Variants in NUP107 observed in about 807,000 individuals in gnomAD.
NUP107 encodes nucleoporin 107.
Under a neutral mutation model 141.0 loss-of-function variants are expected in NUP107, and 101 were observed. The ratio of observed to expected loss-of-function variants is 0.72; its 90% confidence interval spans 0.61 to 0.84. The LOEUF (loss-of-function observed/expected upper bound fraction) is 0.84, where lower values mean the gene tolerates loss of function less well. Among genes scored for constraint, NUP107 ranks in the 40% least tolerant of loss-of-function variants. The pLI, the probability that NUP107 is intolerant of heterozygous loss-of-function variation, is 0.00. For missense variants in NUP107, 941 were observed against 1,102.7 expected (o/e 0.85, Z 2.08); for synonymous variants, 319 against 363.9 (o/e 0.88, Z 1.41).
intron 24 of NUP107, among the ~76,000 whole-genome samples, chr12:68,733,821 C>T (rs1877951295): frequency 6.6e-6 from 1 of 152,194 alleles, no homozygotes; most frequent in Non-Finnish European, 1.5e-5. Context: ...CCAAGATCAT[C>T]TCACATGGTA....
At chr12:68,706,017 G>T in intron 8 of NUP107, 1 of 859,636 alleles carries the variant, frequency 1.2e-6, no homozygotes, top group Non-Finnish European at 2.0e-6. Flanking sequence ...CCCTGCAGCG[G>T]CAGAAGACGG....
At position 68,711,236 on chromosome 12, in the gene NUP107, A is replaced by C. The variant is rs979938915; in HGVS notation, c.890+1143A>C. Among the ~76,000 whole-genome samples the C allele has an allele frequency of 2.0e-5, 3 of 152,242 alleles. No individual in the cohort carries two copies. In the South Asian group the frequency reaches 6.2e-4, roughly 32 times the overall value. ...CGTGGTGGCGGGCGCCTGTAGTCCCAGCTACTTGGGAGGCTGAGGCAGGAG... is the reference window on the plus strand; with the variant it reads ...CGTGGTGGCGGGCGCCTGTAGTCCCCGCTACTTGGGAGGCTGAGGCAGGAG... On this transcript the variant is annotated intron_variant, in intron 10 of 27. Transcript: ENST00000229179.
chr12:68,699,234 G>A (rs1034039305), intron 6 of NUP107, among the ~76,000 whole-genome samples: 1 of 152,056 alleles, frequency 6.6e-6, no homozygotes, highest in African/African-American at 2.4e-5. Context: ...TTAGTGGAGT[G>A]TGGTGGTGGG....
chr12:68,704,924 A>C (rs1033806084), intron 8 of NUP107, among the ~76,000 whole-genome samples: 16 of 149,452 alleles, frequency 1.1e-4, no homozygotes, highest in Non-Finnish European at 2.1e-4. Context: ...ACTTTGTCTC[A>C]CAGGCCAGAG....
At chr12:68,698,750 A>G (rs997862627) in intron 6 of NUP107, among the ~76,000 whole-genome samples, 6 of 152,208 alleles carry the variant, frequency 3.9e-5, no homozygotes, top group Admixed American at 3.9e-4. Flanking sequence ...ACTTGGAAAC[A>G]GTGACAAGAT....
In NUP107 at chr12:68,719,439, A is replaced by G; in HGVS notation, c.1174+8A>G. On this transcript the variant is annotated splice_region_variant and intron_variant, in intron 13 of 27. Transcript: ENST00000229179. Reference sequence around the variant, plus strand: ...ACCCTAATGTTAATGGAGGTATTTTAGTAGATTTTATTCTGACAGTTGAGG... The same window carrying G: ...ACCCTAATGTTAATGGAGGTATTTTGGTAGATTTTATTCTGACAGTTGAGG... The G allele has an allele frequency of 1.2e-6, 2 of 1,611,376 alleles. No individual in the cohort carries two copies. The highest frequency in any genetic ancestry group is 1.7e-6 in the Non-Finnish European group (2 of 1,177,608).
intron 1 of NUP107, 85 bp from the exon 2 acceptor site, chr12:68,688,877 T>A: frequency 1.0e-6 from 1 of 955,732 alleles, no homozygotes; most frequent in Non-Finnish European, 1.6e-6. Flanking sequence ...TTACTCAGGG[T>A]CCTTTACTCC....
intron 6 of NUP107, among the ~76,000 whole-genome samples, chr12:68,698,811 A>G (rs986042778): frequency 4.6e-5 from 7 of 152,202 alleles, no homozygotes; most frequent in African/African-American, 1.7e-4. Flanking sequence ...GGTAGAACAC[A>G]GGATTTTTAA....
intron 26 of NUP107, among the ~76,000 whole-genome samples, chr12:68,740,814 A>G (rs1404340581): frequency 6.6e-6 from 1 of 152,018 alleles, no homozygotes; most frequent in Non-Finnish European, 1.5e-5. Flanking sequence ...ACTTGAGCCC[A>G]AGAGTTCGAT....
chr12:68,706,281 G>T, intron 8 of NUP107: 1 of 830,240 alleles, frequency 1.2e-6, no homozygotes, highest in Middle Eastern at 2.9e-4. Context: ...CACCTGGAAG[G>T]GCTTACTGAA....
rs888610890 is a variant in NUP107, at chr12:68,716,621, A to G, written c.1083+881A>G. 5.3e-5 allele frequency among the ~76,000 whole-genome samples: 8 copies of G among 152,198 alleles called. No individual in the cohort carries two copies. In the South Asian group the frequency reaches 8.3e-4, roughly 16 times the overall value. On this transcript the variant is annotated intron_variant, in intron 12 of 27. Coordinates refer to ENST00000229179, the MANE Select transcript of NUP107 (RefSeq NM_020401.4). ...GATACTATTTAGGCACTTGAAGGCTACAATGGCCCTCAAACTTCTTCCTTT... is the reference window on the plus strand; with the variant it reads ...GATACTATTTAGGCACTTGAAGGCTGCAATGGCCCTCAAACTTCTTCCTTT...
intron 21 of NUP107, 130 bp from the exon 22 acceptor site, chr12:68,731,477 T>C: frequency 3.2e-6 from 2 of 616,058 alleles, no homozygotes; most frequent in East Asian, 3.2e-5. Flanking sequence ...TATATAAATA[T>C]CTTTCATATT....
At chr12:68,725,257 A>G (rs1051491643) in intron 17 of NUP107, among the ~76,000 whole-genome samples, 1 of 152,138 alleles carries the variant, frequency 6.6e-6, no homozygotes, top group Non-Finnish European at 1.5e-5. Context: ...GGTTTTCTCT[A>G]CTCTGTACCT....
At chr12:68,740,085 A>G (rs1418313859) in intron 26 of NUP107, 1 of 152,162 alleles carries the variant, frequency 6.6e-6, no homozygotes, top group Non-Finnish European at 1.5e-5. Flanking sequence ...TCTGCAGCAC[A>G]CTCTGATATT....
chr12:68,737,256 C>T (rs906701231), intron 26 of NUP107, among the ~76,000 whole-genome samples: 1 of 152,046 alleles, frequency 6.6e-6, no homozygotes, highest in Non-Finnish European at 1.5e-5. Context: ...ACAAAATAGT[C>T]TTGGGATCTC....
intron 1 of NUP107, chr12:68,687,327 A>G (rs986738837): frequency 2.8e-6 from 2 of 725,322 alleles, no homozygotes; most frequent in African/African-American, 1.8e-5. Context: ...GCTTTGGGGC[A>G]GCAACACTGT....
chr12:68,721,870 C>T lies in NUP107; in HGVS notation c.1341C>T (p.Asp447=), dbSNP rs780029551. The T allele has an allele frequency of 1.5e-5, 25 of 1,613,822 alleles. No individual in the cohort carries two copies. In the South Asian group the frequency reaches 2.5e-4, roughly 16 times the overall value. The change falls in exon 16 of 28, where the codon GAC becomes GAT. Residue 447 remains aspartate, a synonymous_variant. Coordinates refer to ENST00000229179, the MANE Select transcript of NUP107 (RefSeq NM_020401.4). Reference sequence around the variant, plus strand: ...TTCCTGTCTGTGACACCTGGGAAGACACAGTTTGGGCCTACTTCCGGGTGA... The same window carrying T: ...TTCCTGTCTGTGACACCTGGGAAGATACAGTTTGGGCCTACTTCCGGGTGA... ...QLLPVCDTWE[D]TVWAYFRVMV... is the part of the protein sequence containing the mutation.
At position 68,692,006 on chromosome 12, in the gene NUP107, T is replaced by C; in HGVS notation, c.342T>C (p.Phe114=). The C allele has an allele frequency of 6.2e-7, 1 of 1,604,004 alleles. No individual in the cohort carries two copies. The highest frequency in any genetic ancestry group is 8.5e-7 in the Non-Finnish European group (1 of 1,176,582). The change falls in exon 5 of 28, where the codon TTT becomes TTC. Residue 114 remains phenylalanine, a synonymous_variant. Coordinates refer to ENST00000229179, the MANE Select transcript of NUP107 (RefSeq NM_020401.4). ...NLDDSNWAAA[F]SSQRSGLFTN... The stretch of plus-strand genomic sequence containing the variant: ...ATGACAGTAACTGGGCAGCTGCATT[T>C]TCATCACAGCGTTCCGGGCTGTTCA...
At chr12:68,700,929 G>A in intron 7 of NUP107, 76 bp downstream of exon 7, 1 of 1,389,558 alleles carries the variant, frequency 7.2e-7, no homozygotes, top group Non-Finnish European at 9.6e-7. Flanking sequence ...TAAAAGTTAG[G>A]GTAGGTCGTG....
Sources: allele counts gnomAD v4.1 joint callset (sites outside exome capture counted in the v4.1 genomes callset), GRCh38; gene constraint gnomAD v4.1.1; transcripts MANE v1.5; gene names NCBI Gene and HGNC (gene_info 2026-07-23, HGNC 2026-07-21).